FBXL13: variants seen among roughly 807,000 people sequenced by gnomAD.
FBXL13 encodes the protein F-box and leucine-rich repeat protein 13.
Under a neutral mutation model 83.6 loss-of-function variants are expected in FBXL13, and 67 were observed. That is an observed-to-expected ratio of 0.80 (90% confidence interval 0.66 to 0.98). The LOEUF (loss-of-function observed/expected upper bound fraction) is 0.98, where lower values mean the gene tolerates loss of function less well. FBXL13 is among the 50% of genes least tolerant of loss of function. The pLI, the probability that FBXL13 is intolerant of heterozygous loss-of-function variation, is 0.00. For missense variants in FBXL13, 822 were observed against 866.5 expected, an observed-to-expected ratio of 0.95 and a Z score of 0.64; for synonymous variants, 272 against 299.5, an observed-to-expected ratio of 0.91 and a Z score of 0.95.
At chr7:103,028,786 G>T in intron 3 of FBXL13, 38 bp from the exon 5 acceptor site, 1 of 1,483,534 alleles carries the variant, frequency 6.7e-7, no homozygotes, top group Non-Finnish European at 9.0e-7. Context: ...ATAATATTTT[G>T]ATATTAGGGC....
At chr7:103,008,312 TGGACAG>T (rs770615141) in intron 6 of FBXL13, among the ~76,000 whole-genome samples, 15 of 152,074 alleles carry the variant, frequency 9.9e-5, no homozygotes, top group Non-Finnish European at 1.5e-5. Context: ...ACATATGAAC[TGGACAG>T]GGTCCTTTTG....
intron 9 of FBXL13, 68 bp from the exon 11 acceptor site, chr7:102,926,442 T>C: frequency 1.6e-6 from 2 of 1,218,410 alleles, no homozygotes; most frequent in Non-Finnish European, 2.3e-6. Context: ...CCATTATCTT[T>C]CTATTATCCC....
At chr7:103,024,186 A>AGAGAGAGAGGG (rs1360333429) in intron 6 of FBXL13, among the ~76,000 whole-genome samples, 1 of 141,636 alleles carries the variant, frequency 7.1e-6, no homozygotes, top group Non-Finnish European at 1.5e-5. Context: ...AGAGAGAGAG[A>AGAGAGAGAGGG]AATAATTAGG....
At chr7:102,874,431 C>T in intron 16 of FBXL13, 2 of 894,116 alleles carry the variant, frequency 2.2e-6, no homozygotes, top group Non-Finnish European at 2.7e-6. Context: ...TTTTTTCAAT[C>T]TTTTAGCAGA....
intron 6 of FBXL13, among the ~76,000 whole-genome samples, chr7:103,013,670 C>T (rs1018147164): frequency 1.3e-4 from 20 of 152,196 alleles, no homozygotes; most frequent in African/African-American, 4.6e-4. Context: ...TAAACACCCA[C>T]ATCAAAAAGT....
chr7:102,881,011 C>T (rs1201722019), intron 14 of FBXL13, among the ~76,000 whole-genome samples: 1 of 152,136 alleles, frequency 6.6e-6, no homozygotes, highest in Non-Finnish European at 1.5e-5. Flanking sequence ...TGAGGGGATT[C>T]AAGGCTACTG....
chr7:103,045,025 A>G (rs975732894), intron 2 of FBXL13, among the ~76,000 whole-genome samples: 11 of 152,238 alleles, frequency 7.2e-5, no homozygotes, highest in Admixed American at 2.6e-4. Context: ...GCAATGAATA[A>G]TTTGTGAATT....
chr7:102,819,272 T>C (rs1477189565), intron 19 of FBXL13, among the ~76,000 whole-genome samples: 2 of 152,300 alleles, frequency 1.3e-5, no homozygotes, highest in East Asian at 3.9e-4. Flanking sequence ...CGTTTTCTGA[T>C]CATAGTTGTT....
At chr7:102,966,491 G>A (rs1467801070) in intron 7 of FBXL13, among the ~76,000 whole-genome samples, 1 of 152,162 alleles carries the variant, frequency 6.6e-6, no homozygotes, top group Non-Finnish European at 1.5e-5. Flanking sequence ...AATCCAAATG[G>A]TCTGGAGGAG....
chr7:102,914,816 G>A (rs1043118519), intron 10 of FBXL13, among the ~76,000 whole-genome samples: 3 of 152,172 alleles, frequency 2.0e-5, no homozygotes, highest in South Asian at 2.1e-4. Context: ...TGGGGCTGTC[G>A]AGTGGACTGA....
intron 16 of FBXL13, among the ~76,000 whole-genome samples, chr7:102,871,760 G>A (rs966323179): frequency 3.3e-5 from 5 of 151,848 alleles, no homozygotes; most frequent in Admixed American, 1.3e-4. Flanking sequence ...TCCCTCCACC[G>A]AGGTCCCCAT....
exon 9 of FBXL13, chr7:102,931,917 C>T (rs747530245): frequency 6.2e-7 from 1 of 1,613,682 alleles, no homozygotes. Flanking sequence ...TCAACTCTTG[C>T]AAGTTCCTAC....
In FBXL13 at chr7:102,952,658, A is replaced by C. The variant is rs149732831; in HGVS notation, c.724+10875T>G. Reference sequence around the variant, plus strand: ...AAACAGAAGATCTAAATAGAGCTATAATAAGTAAAAATACTAAATCAGCAA... The same window carrying C: ...AAACAGAAGATCTAAATAGAGCTATCATAAGTAAAAATACTAAATCAGCAA... On this transcript the variant is annotated intron_variant, in intron 8 of 19. Coordinates refer to ENST00000313221, the Ensembl canonical transcript of FBXL13. 5.3e-5 allele frequency among the ~76,000 whole-genome samples: 8 copies of C among 152,246 alleles called. No homozygotes were observed. In the East Asian group the frequency reaches 1.5e-3, roughly 29 times the overall value.
At chr7:102,986,720 G>A (rs1828996716) in intron 6 of FBXL13, among the ~76,000 whole-genome samples, 1 of 152,086 alleles carries the variant, frequency 6.6e-6, no homozygotes, top group Non-Finnish European at 1.5e-5. Context: ...TGCAGCAGAT[G>A]GGCCGATTGT....
exon 15 of FBXL13, chr7:102,878,409 G>T (rs770563594): frequency 6.2e-7 from 1 of 1,607,876 alleles, no homozygotes; most frequent in Non-Finnish European, 8.5e-7. Context: ...CCTCATGCTT[G>T]CAGGACCATC....
chr7:103,005,778 C>G (rs74390459), intron 6 of FBXL13, among the ~76,000 whole-genome samples: 1 of 151,806 alleles, frequency 6.6e-6, no homozygotes, highest in East Asian at 1.9e-4. Flanking sequence ...CATTGAGGAC[C>G]AGGGATTCAA....
intron 9 of FBXL13, among the ~76,000 whole-genome samples, chr7:102,928,389 T>A (rs916033098): frequency 6.6e-6 from 1 of 152,248 alleles, no homozygotes; most frequent in African/African-American, 2.4e-5. Flanking sequence ...CTGAATGTAA[T>A]ATATTTCATA....
chr7:102,963,071 CA>C (rs2129479499), intron 8 of FBXL13, among the ~76,000 whole-genome samples: 1 of 150,246 alleles, frequency 6.7e-6, no homozygotes. Flanking sequence ...GTAATCCCAG[CA>C]CTTTGGGAGG....
chr7:102,907,408 G>A (rs538255616), intron 11 of FBXL13, among the ~76,000 whole-genome samples: 7 of 152,080 alleles, frequency 4.6e-5, no homozygotes, highest in African/African-American at 1.4e-4. Context: ...CCATGTTGGT[G>A]TGCTGCACCC....
Sources: allele counts gnomAD v4.1 joint callset (sites outside exome capture counted in the v4.1 genomes callset), GRCh38; gene constraint gnomAD v4.1.1; transcripts MANE v1.5; gene names NCBI Gene and HGNC (gene_info 2026-07-23, HGNC 2026-07-21).